ANKRD66: variants seen among roughly 807,000 people sequenced by gnomAD.
The protein encoded by ANKRD66 is ankyrin repeat domain-containing protein 66.
In ANKRD66, 10 loss-of-function variants were observed where a neutral mutation model predicts 10.9. The observed-to-expected ratio is 0.91, with a 90% CI of 0.56 to 1.55. The LOEUF is 1.55. Ranked by LOEUF, ANKRD66 falls within the 40% of genes most tolerant of loss-of-function variation. The pLI is 0.00. For synonymous variants in ANKRD66, 85 were observed against 88.4 expected (o/e 0.96, Z 0.22); for missense variants, 252 against 242.9 (o/e 1.04, Z -0.25).
chr6:46,747,110 G>T, intron 1 of ANKRD66, 120 bp downstream of exon 1: 1 of 890,228 alleles, frequency 1.1e-6, no homozygotes, highest in Non-Finnish European at 1.6e-6. Flanking sequence ...TGGTAGATGT[G>T]CCTCTACCAG....
chr6:46,753,984 C>T, intron 4 of ANKRD66, 34 bp downstream of exon 4: 1 of 1,513,614 alleles, frequency 6.6e-7, no homozygotes, highest in African/African-American at 1.4e-5. Flanking sequence ...ATAGAAGGAG[C>T]AGAGGAACAG....
intron 4 of ANKRD66, 24 bp downstream of exon 4, chr6:46,753,974 A>G (rs2150727604): frequency 6.5e-7 from 1 of 1,537,852 alleles, no homozygotes; most frequent in South Asian, 1.2e-5. Context: ...TTTTCCACCT[A>G]TAGAAGGAGC....
intron 4 of ANKRD66, among the ~76,000 whole-genome samples, chr6:46,754,162 T>C (rs894867854): frequency 6.6e-6 from 1 of 152,184 alleles, no homozygotes; most frequent in African/African-American, 2.4e-5. Flanking sequence ...TATTAACATG[T>C]TGTTTTGATT....
Position 46,749,877 on chromosome 6 carries a change from TTTC to T in ANKRD66, c.-96-16_-96-14del, listed in dbSNP as rs1562089921. On this transcript the variant is annotated splice_polypyrimidine_tract_variant and intron_variant, in intron 1 of 4. Coordinates refer to ENST00000565422, the MANE Select transcript of ANKRD66 (RefSeq NM_001162435.3). ...GCATTGCATTTTAATTACGTTTACT[TTTC>T]TTTCTCTCCCTCCAGGGCTGTTCTC... The T allele has an allele frequency of 1.3e-6, 2 of 1,545,360 alleles. No individual in the cohort carries two copies. Among genetic ancestry groups the T allele is most frequent in the South Asian group, 2.4e-5 (2 of 83,204 alleles).
intron 3 of ANKRD66, among the ~76,000 whole-genome samples, chr6:46,752,523 C>A (rs1382275641): frequency 6.6e-6 from 1 of 152,236 alleles, no homozygotes; most frequent in Non-Finnish European, 1.5e-5. Flanking sequence ...GCGTGAGCCA[C>A]CACGCCTGGC....
intron 4 of ANKRD66, 84 bp from the exon 5 acceptor site, chr6:46,758,639 G>A: frequency 7.4e-7 from 1 of 1,349,694 alleles, no homozygotes; most frequent in Non-Finnish European, 9.8e-7. Context: ...ACTGCGGTGT[G>A]CAGAACCTGT....
chr6:46,753,625 T>C, intron 3 of ANKRD66, 97 bp from the exon 4 acceptor site: 1 of 1,219,982 alleles, frequency 8.2e-7, no homozygotes, highest in African/African-American at 1.5e-5. Flanking sequence ...AAGGCAAAGT[T>C]TCCCCTTCTA....
intron 1 of ANKRD66, among the ~76,000 whole-genome samples, chr6:46,749,472 G>C (rs1460280747): frequency 6.6e-6 from 1 of 151,896 alleles, no homozygotes; most frequent in Admixed American, 6.6e-5. Context: ...CCCAGGCAAG[G>C]GGGGCAGGGT....
chr6:46,755,261 T>C (rs1490865857), intron 4 of ANKRD66, among the ~76,000 whole-genome samples: 7 of 152,218 alleles, frequency 4.6e-5, no homozygotes, highest in Non-Finnish European at 8.8e-5. Flanking sequence ...TTTATCCTTG[T>C]TCAGCTAGAG....
chr6:46,751,903 A>G, intron 2 of ANKRD66, 34 bp from the exon 3 acceptor site: 1 of 1,408,076 alleles, frequency 7.1e-7, no homozygotes. Flanking sequence ...AAAGAGTTAC[A>G]TAGAATTTCC....
intron 1 of ANKRD66, among the ~76,000 whole-genome samples, chr6:46,749,544 T>C (rs1766217511): frequency 1.0e-5 from 1 of 97,910 alleles, no homozygotes; most frequent in Non-Finnish European, 2.1e-5. Flanking sequence ...TTTTTTTCTC[T>C]TTTATTCCCC....
At chr6:46,750,391 T>C (rs1472464759) in intron 2 of ANKRD66, among the ~76,000 whole-genome samples, 1 of 152,006 alleles carries the variant, frequency 6.6e-6, no homozygotes, top group Non-Finnish European at 1.5e-5. Context: ...TTTATGAAAA[T>C]AAATATATTT....
chr6:46,755,795 T>C (rs1766371330), intron 4 of ANKRD66, among the ~76,000 whole-genome samples: 2 of 152,226 alleles, frequency 1.3e-5, no homozygotes, highest in Admixed American at 6.5e-5. Flanking sequence ...TGAAAGCTAA[T>C]CTACTTTTTT....
chr6:46,750,683 T>A (rs191840226), intron 2 of ANKRD66, among the ~76,000 whole-genome samples: 1 of 148,694 alleles, frequency 6.7e-6, no homozygotes, highest in Non-Finnish European at 1.5e-5. Flanking sequence ...CATATACACA[T>A]GTATATTATA....
rs1376241300 is a variant in ANKRD66, at chr6:46,752,001, C to T, written c.53C>T (p.Ala18Val). Residue 18 changes from alanine (A) to valine (V), a missense_variant, in exon 3 of 5, where the codon GCA becomes GTA. By Grantham distance (64) the Ala-to-Val change is moderately conservative. Transcript: ENST00000565422. ...ACAAAGCTTCACCAAGCTGTGGCTG[C>T]AGGAGACTACAGCTTAGTGAAGAAG... Reference protein sequence around the residue: ...DMTKLHQAVAAGDYSLVKKIL... With the variant: ...DMTKLHQAVAVGDYSLVKKIL... 6.6e-7 allele frequency: 1 copy of T among 1,526,392 alleles called. No individual in the cohort carries two copies. Among genetic ancestry groups the T allele is most frequent in the Non-Finnish European group, 8.8e-7 (1 of 1,136,608 alleles). 94.6% of individuals were successfully genotyped at this position (1,526,392 alleles called of 1,614,324 possible).
In ANKRD66 at chr6:46,758,588, C is replaced by T. The variant is rs143365094; in HGVS notation, c.393-135C>T. 1,763 of 805,840 alleles carry T rather than the reference C, an allele frequency of 2.2e-3. 21 individuals carry two copies. The African/African-American group carries it at 0.026, about 12-fold the overall frequency. The allele number at this position is 805,840 out of a possible 1,614,324, so 49.9% of individuals were successfully genotyped here. On this transcript the variant is annotated intron_variant, in intron 4 of 4. Coordinates refer to ENST00000565422, the MANE Select transcript of ANKRD66 (RefSeq NM_001162435.3). ...GTCTGAGACCTTCCCTAAGTGTATGCTTGGAAATGCTCAAACTTGGCCTCC... is the reference window on the plus strand; with the variant it reads ...GTCTGAGACCTTCCCTAAGTGTATGTTTGGAAATGCTCAAACTTGGCCTCC...
At chr6:46,757,942 T>G (rs1562092403) in intron 4 of ANKRD66, 3 of 152,172 alleles carry the variant, frequency 2.0e-5, no homozygotes, top group African/African-American at 7.2e-5. Context: ...AGGAAAGACA[T>G]GGTGTGGTCT....
At chr6:46,748,319 C>T (rs928691628) in intron 1 of ANKRD66, among the ~76,000 whole-genome samples, 1 of 152,130 alleles carries the variant, frequency 6.6e-6, no homozygotes, top group Non-Finnish European at 1.5e-5. Context: ...AATGCTTCCA[C>T]TTGAATTGCA....
intron 2 of ANKRD66, 51 bp downstream of exon 2, chr6:46,750,030 GGCT>G (rs984828987): frequency 4.7e-4 from 445 of 942,920 alleles, no homozygotes; most frequent in Middle Eastern, 8.0e-4. Context: ...AGTTCCCAGG[GGCT>G]GCTGCTGCTG....
Sources: allele counts gnomAD v4.1 joint callset (sites outside exome capture counted in the v4.1 genomes callset), GRCh38; gene constraint gnomAD v4.1.1; transcripts MANE v1.5; gene names NCBI Gene and HGNC (gene_info 2026-07-23, HGNC 2026-07-21).